TAFA1: variants seen among roughly 807,000 people sequenced by gnomAD.
TAFA1 encodes chemokine-like protein TAFA-1.
A neutral mutation model predicts 18.5 loss-of-function variants in TAFA1; 4 were observed. The ratio of observed to expected loss-of-function variants is 0.22; its 90% CI spans 0.11 to 0.49. The LOEUF (loss-of-function observed/expected upper bound fraction) is 0.49, where lower values mean the gene tolerates loss of function less well. Among genes scored for constraint, TAFA1 ranks in the 20% least tolerant of loss-of-function variants. The probability of loss-of-function intolerance (pLI) is 0.98; values close to 1 mark genes in which losing one functional copy is unlikely to be tolerated. For missense variants in TAFA1, 147 were observed against 169.0 expected (o/e 0.87, Z 0.72); for synonymous variants, 56 against 55.2 (o/e 1.01, Z -0.06).
chr3:68,531,758 A>G (rs2073191423), intron 3 of TAFA1, among the ~76,000 whole-genome samples: 1 of 152,024 alleles, frequency 6.6e-6, no homozygotes, highest in Non-Finnish European at 1.5e-5. Context: ...ACCAATTATT[A>G]TTTTAGAGAG....
chr3:68,001,786 CAAAT>C (rs760446714), upstream of TAFA1, among the ~76,000 whole-genome samples: 2 of 152,188 alleles, frequency 1.3e-5, no homozygotes, highest in Admixed American at 6.5e-5. Context: ...GCTGCAATAA[CAAAT>C]AACTCCTAAG....
chr3:68,142,380 C>A (rs2065677465), intron 2 of TAFA1, among the ~76,000 whole-genome samples: 1 of 152,176 alleles, frequency 6.6e-6, no homozygotes, highest in Admixed American at 6.5e-5. Context: ...AGCTGGGAAC[C>A]TGTAACCTTC....
At chr3:68,524,147 A>G (rs2106757719) in intron 3 of TAFA1, among the ~76,000 whole-genome samples, 1 of 152,272 alleles carries the variant, frequency 6.6e-6, no homozygotes, top group Admixed American at 6.5e-5. Flanking sequence ...ACCTGGAATC[A>G]GGGTGGCCTC....
intron 2 of TAFA1, among the ~76,000 whole-genome samples, chr3:68,363,598 C>T (rs1041816266): frequency 8.5e-5 from 13 of 152,120 alleles, no homozygotes; most frequent in African/African-American, 2.9e-4. Flanking sequence ...TTTTTTAATT[C>T]TTCTAACCCT....
intron 2 of TAFA1, among the ~76,000 whole-genome samples, chr3:68,408,759 G>A (rs1016712376): frequency 1.3e-5 from 2 of 152,220 alleles, no homozygotes; most frequent in African/African-American, 4.8e-5. Flanking sequence ...GGAGTGCCCA[G>A]CCAAACAGGC....
At chr3:68,226,018 T>A (rs1052527165) in intron 2 of TAFA1, among the ~76,000 whole-genome samples, 2 of 152,208 alleles carry the variant, frequency 1.3e-5, no homozygotes, top group Non-Finnish European at 2.9e-5. Flanking sequence ...AACAGAATAT[T>A]CCTGCAGCAG....
intron 2 of TAFA1, among the ~76,000 whole-genome samples, chr3:68,201,245 T>A (rs1380643173): frequency 6.6e-6 from 1 of 151,752 alleles, no homozygotes; most frequent in South Asian, 2.1e-4. Flanking sequence ...GAGAGCAGAC[T>A]TTTTATAATT....
At chr3:68,326,824 G>T (rs1008311203) in intron 2 of TAFA1, among the ~76,000 whole-genome samples, 1 of 152,122 alleles carries the variant, frequency 6.6e-6, no homozygotes, top group Non-Finnish European at 1.5e-5. Context: ...ATAAATAGGG[G>T]CTGAGAGATG....
intron 2 of TAFA1, among the ~76,000 whole-genome samples, chr3:68,368,294 T>C (rs1301548895): frequency 6.6e-6 from 1 of 152,230 alleles, no homozygotes; most frequent in Admixed American, 6.5e-5. Context: ...ATATGTTTTC[T>C]CTGGTTAGTT....
At chr3:68,421,767 C>T (rs2070959359) in intron 3 of TAFA1, among the ~76,000 whole-genome samples, 1 of 152,052 alleles carries the variant, frequency 6.6e-6, no homozygotes, top group Non-Finnish European at 1.5e-5. Flanking sequence ...TTCAGAGGCT[C>T]ACTAAATGAT....
intron 2 of TAFA1, among the ~76,000 whole-genome samples, chr3:68,262,951 T>C (rs985794384): frequency 3.3e-5 from 5 of 152,214 alleles, no homozygotes; most frequent in African/African-American, 9.6e-5. Flanking sequence ...TGTAGTTTTA[T>C]TGAAAACATT....
At chr3:68,010,914 G>T (rs1363774335) in intron 2 of TAFA1, among the ~76,000 whole-genome samples, 1 of 152,016 alleles carries the variant, frequency 6.6e-6, no homozygotes, top group Non-Finnish European at 1.5e-5. Flanking sequence ...ACTAAAAAAT[G>T]AAAACTCAAA....
intron 2 of TAFA1, among the ~76,000 whole-genome samples, chr3:68,182,766 T>C (rs1439584671): frequency 2.0e-5 from 3 of 152,198 alleles, no homozygotes; most frequent in Admixed American, 2.0e-4. Flanking sequence ...GTAAAACATA[T>C]TGCTTTATGC....
intron 2 of TAFA1, among the ~76,000 whole-genome samples, chr3:68,399,695 C>T (rs1169433913): frequency 6.6e-6 from 1 of 152,146 alleles, no homozygotes; most frequent in African/African-American, 2.4e-5. Flanking sequence ...TTACTGTGTT[C>T]TAGGCACTGT....
chr3:68,477,522 G>A (rs1428624380), intron 3 of TAFA1, among the ~76,000 whole-genome samples: 2 of 152,044 alleles, frequency 1.3e-5, no homozygotes, highest in Non-Finnish European at 1.5e-5. Flanking sequence ...TTATAGGCAT[G>A]TGCCAACATG....
intron 2 of TAFA1, among the ~76,000 whole-genome samples, chr3:68,135,846 A>G (rs2065600839): frequency 1.3e-5 from 2 of 152,162 alleles, no homozygotes; most frequent in Non-Finnish European, 2.9e-5. Flanking sequence ...ATGATGCCAG[A>G]TGTATGTTTC....
chr3:68,134,090 G>A (rs200162488), intron 2 of TAFA1, among the ~76,000 whole-genome samples: 1 of 141,490 alleles, frequency 7.1e-6, no homozygotes. Context: ...AAAACAATGA[G>A]AAAAAAAAAA....
upstream of TAFA1, among the ~76,000 whole-genome samples, chr3:68,000,127 G>A (rs1704269092): frequency 2.0e-5 from 3 of 152,098 alleles, no homozygotes; most frequent in South Asian, 6.2e-4. Flanking sequence ...CATTATGCAT[G>A]CCATCCTGAT....
At chr3:68,152,014 A>G (rs565725966) in intron 2 of TAFA1, among the ~76,000 whole-genome samples, 2 of 152,312 alleles carry the variant, frequency 1.3e-5, no homozygotes, top group East Asian at 3.9e-4. Context: ...TTCTTTATAA[A>G]CATTATCTTA....
Sources: allele counts gnomAD v4.1 joint callset (sites outside exome capture counted in the v4.1 genomes callset), GRCh38; gene constraint gnomAD v4.1.1; transcripts MANE v1.5; gene names NCBI Gene and HGNC (gene_info 2026-07-23, HGNC 2026-07-21).